KLF12: variants seen among roughly 807,000 people sequenced by gnomAD.
The protein encoded by KLF12 is Krueppel-like factor 12.
KLF12 carries 9 observed loss-of-function variants against 37.8 expected under a neutral mutation model. The ratio of observed to expected loss-of-function variants is 0.24; its 90% confidence interval spans 0.14 to 0.42. KLF12 has a LOEUF of 0.42. Among genes scored for constraint, KLF12 ranks in the 10% least tolerant of loss-of-function variants. KLF12 has a pLI of 1.00. For missense variants in KLF12, 411 were observed against 516.0 expected, an observed-to-expected ratio of 0.80 and a Z score of 1.97; for synonymous variants, 208 against 202.1, an observed-to-expected ratio of 1.03 and a Z score of -0.25.
intron 1 of KLF12, among the ~76,000 whole-genome samples, chr13:74,014,422 G>A (rs1335666154): frequency 6.6e-6 from 1 of 152,196 alleles, no homozygotes; most frequent in Non-Finnish European, 1.5e-5. Context: ...TATGCTGGCT[G>A]TAGTTTAGGG....
chr13:73,716,372 T>C (rs1401440673), intron 6 of KLF12, among the ~76,000 whole-genome samples: 1 of 152,228 alleles, frequency 6.6e-6, no homozygotes, highest in African/African-American at 2.4e-5. Context: ...TACAGTGAGA[T>C]ATGATAAAAA....
chr13:74,147,111 T>C, the KLF12 span, among the ~76,000 whole-genome samples: 50 of 152,358 alleles, frequency 3.3e-4, no homozygotes, highest in Admixed American at 5.9e-4. Context: ...CTGTGGTTCA[T>C]GGCTAAGGAG....
At chr13:74,112,268 T>TA in intron 1 of KLF12, among the ~76,000 whole-genome samples, 1 of 151,448 alleles carries the variant, frequency 6.6e-6, no homozygotes, top group African/African-American at 2.4e-5. Flanking sequence ...TAGAAAAGCC[T>TA]AAAATATTAC....
chr13:73,999,326 T>G (rs185539717), intron 1 of KLF12, among the ~76,000 whole-genome samples: 1 of 152,316 alleles, frequency 6.6e-6, no homozygotes, highest in Admixed American at 6.5e-5. Context: ...AAGGCCATCA[T>G]AGTAAAGATC....
chr13:73,777,126 T>C (rs1469680976), intron 5 of KLF12, among the ~76,000 whole-genome samples: 9 of 152,152 alleles, frequency 5.9e-5, no homozygotes, highest in African/African-American at 2.2e-4. Flanking sequence ...AAAAATTCCT[T>C]CCAGTGAATG....
At chr13:74,185,189 G>A in the KLF12 span, among the ~76,000 whole-genome samples, 3 of 152,130 alleles carry the variant, frequency 2.0e-5, no homozygotes, top group Non-Finnish European at 4.4e-5. Flanking sequence ...GCTATGTTGC[G>A]AAATAAACTA....
chr13:73,906,696 A>G (rs888167882), intron 3 of KLF12, among the ~76,000 whole-genome samples: 1 of 152,200 alleles, frequency 6.6e-6, no homozygotes, highest in Non-Finnish European at 1.5e-5. Context: ...ATTCTCACAT[A>G]TAATGTCCTA....
At chr13:74,154,696 T>C in the KLF12 span, among the ~76,000 whole-genome samples, 1 of 152,160 alleles carries the variant, frequency 6.6e-6, no homozygotes, top group African/African-American at 2.4e-5. Context: ...AGCTGCGAGA[T>C]AATAGTGACG....
intron 1 of KLF12, among the ~76,000 whole-genome samples, chr13:74,066,388 C>T (rs1255924349): frequency 6.6e-6 from 1 of 152,092 alleles, no homozygotes; most frequent in Non-Finnish European, 1.5e-5. Flanking sequence ...TAGGCTGGGC[C>T]TGGTGACTCA....
chr13:73,933,030 G>A (rs1889757686), intron 3 of KLF12, among the ~76,000 whole-genome samples: 1 of 152,164 alleles, frequency 6.6e-6, no homozygotes, highest in Non-Finnish European at 1.5e-5. Flanking sequence ...ACAGTTCAGT[G>A]CCTGTTACTT....
chr13:73,797,024 C>A (rs994859279), intron 5 of KLF12, among the ~76,000 whole-genome samples: 2 of 152,128 alleles, frequency 1.3e-5, no homozygotes, highest in African/African-American at 4.8e-5. Context: ...GGAAGCAGTG[C>A]ATTTATTGGA....
intron 7 of KLF12, among the ~76,000 whole-genome samples, chr13:73,700,450 A>G (rs1456599006): frequency 6.6e-6 from 1 of 152,030 alleles, no homozygotes; most frequent in East Asian, 1.9e-4. Context: ...AAGTGATAAA[A>G]TGAATTTTCC....
At chr13:73,738,862 C>T (rs1037288960) in intron 6 of KLF12, among the ~76,000 whole-genome samples, 2 of 152,090 alleles carry the variant, frequency 1.3e-5, no homozygotes, top group Non-Finnish European at 2.9e-5. Context: ...ATTACCAGGC[C>T]CCACCCATCT....
intron 1 of KLF12, among the ~76,000 whole-genome samples, chr13:74,064,202 C>A (rs775740804): frequency 9.9e-5 from 15 of 152,088 alleles, no homozygotes; most frequent in Non-Finnish European, 2.1e-4. Context: ...GGAAAACCAC[C>A]CCTCTCCATC....
the KLF12 span, among the ~76,000 whole-genome samples, chr13:74,140,670 A>G: frequency 6.6e-6 from 1 of 152,220 alleles, no homozygotes; most frequent in East Asian, 1.9e-4. Flanking sequence ...TAAATGGGAC[A>G]TTGGTGGATG....
the KLF12 span, among the ~76,000 whole-genome samples, chr13:74,201,146 A>T: frequency 1.0e-3 from 158 of 152,328 alleles, 1 homozygote; most frequent in African/African-American, 3.7e-3. Flanking sequence ...GTCCCAGATC[A>T]AATAGAGAGC....
At chr13:73,708,446 GT>G (rs1398390536) in intron 7 of KLF12, among the ~76,000 whole-genome samples, 1 of 152,036 alleles carries the variant, frequency 6.6e-6, no homozygotes. Context: ...TCATTAAATT[GT>G]AATATTCTGC....
At chr13:73,850,049 A>T (rs1476953709) in intron 3 of KLF12, among the ~76,000 whole-genome samples, 1 of 152,190 alleles carries the variant, frequency 6.6e-6, no homozygotes, top group East Asian at 1.9e-4. Flanking sequence ...GTAAAACTTA[A>T]ATTTTTATAA....
At chr13:74,222,481 C>T in the KLF12 span, among the ~76,000 whole-genome samples, 2 of 152,166 alleles carry the variant, frequency 1.3e-5, no homozygotes, top group African/African-American at 4.8e-5. Context: ...TATATCACTA[C>T]TATACTCCTT....
Sources: gnomAD v4.1 joint callset for allele counts (sites outside exome capture counted in the v4.1 genomes callset) on GRCh38, gnomAD v4.1.1 for gene constraint, MANE v1.5 for transcripts, NCBI Gene and HGNC (gene_info 2026-07-23, HGNC 2026-07-21) for gene names.